IFT74: variants seen among roughly 807,000 people sequenced by gnomAD.
The protein encoded by IFT74 is intraflagellar transport 74.
A neutral mutation model predicts 96.7 loss-of-function variants in IFT74; 92 were observed. That is an observed-to-expected ratio of 0.95 (90% CI 0.80 to 1.13). IFT74 has a LOEUF of 1.13. IFT74 is among the 50% of genes most tolerant of loss of function. IFT74 has a pLI of 0.00. For synonymous variants in IFT74, 223 were observed against 213.2 expected (o/e 1.05, Z -0.40); for missense variants, 811 against 698.2 (o/e 1.16, Z -1.82).
intron 1 of IFT74, among the ~76,000 whole-genome samples, chr9:26,949,539 T>C (rs1159225766): frequency 6.6e-6 from 1 of 152,184 alleles, no homozygotes; most frequent in Non-Finnish European, 1.5e-5. Flanking sequence ...CTGTGTTCTT[T>C]TACACAGGGA....
chr9:27,055,155 A>G (rs1407799857), intron 16 of IFT74, among the ~76,000 whole-genome samples: 3 of 152,218 alleles, frequency 2.0e-5, no homozygotes, highest in Admixed American at 1.3e-4. Context: ...ATTGTTCACA[A>G]TAACTTCATA....
Position 26,961,749 on chromosome 9 carries a change from G to T in IFT74, c.-19-200G>T, listed in dbSNP as rs112668283. ...TTTGGTAAGATAATAGAAAGATGAGGAAGGAATGTTGCAAGAAACAATCTC... is the reference window on the plus strand; with the variant it reads ...TTTGGTAAGATAATAGAAAGATGAGTAAGGAATGTTGCAAGAAACAATCTC... On this transcript the variant is annotated intron_variant, in intron 1 of 19. Transcript: ENST00000380062. 5.0e-3 allele frequency among the ~76,000 whole-genome samples: 757 copies of T among 152,148 alleles called. 9 individuals carry two copies. Among genetic ancestry groups the T allele is most frequent in the African/African-American group, 0.017 (723 of 41,512 alleles).
chr9:26,986,979 G>A lies in IFT74; in HGVS notation c.466-1690G>A, dbSNP rs117141004. ...CAATTCATCACAAACATTTTGTAGA[G>A]CCCATTATTCACTGGGATTTTCTTT... On this transcript the variant is annotated intron_variant, in intron 6 of 19. Transcript: ENST00000380062. 5.5e-4 allele frequency among the ~76,000 whole-genome samples: 83 copies of A among 152,278 alleles called. No homozygotes were observed. In the East Asian group the frequency reaches 0.015, roughly 27 times the overall value.
intron 9 of IFT74, 79 bp from the exon 10 acceptor site, chr9:27,011,827 T>C (rs545651417): frequency 2.8e-5 from 23 of 816,446 alleles, no homozygotes; most frequent in South Asian, 8.1e-5. Flanking sequence ...AAATTTTTTT[T>C]CCCAGCTCCC....
intron 8 of IFT74, among the ~76,000 whole-genome samples, chr9:26,998,746 G>T (rs992766881): frequency 2.0e-5 from 3 of 152,222 alleles, no homozygotes; most frequent in African/African-American, 7.2e-5. Flanking sequence ...CACTTTGGGA[G>T]GCTGAGGCAG....
rs895055635 is a variant in IFT74 at position 27,063,729 on chromosome 9, T to C, written c.*993T>C. On this transcript the variant is annotated 3_prime_UTR_variant, in exon 20 of 20. Coordinates refer to ENST00000380062, the MANE Select transcript of IFT74 (RefSeq NM_025103.4). ...AAACCAAAATAGCTTTATTGAGATA[T>C]TATTTACATACTTTAAAATTTACTC... Among the ~76,000 whole-genome samples, 1 of 152,130 alleles carries C rather than the reference T, an allele frequency of 6.6e-6. No homozygotes were observed. Among genetic ancestry groups the C allele is most frequent in the African/African-American group, 2.4e-5 (1 of 41,462 alleles).
rs60150925 is a variant in IFT74 at position 27,030,547 on chromosome 9, CAAAAAAAAA to C, written c.1054+1453_1054+1461del. Among the ~76,000 whole-genome samples the C allele has an allele frequency of 5.2e-5, 6 of 115,476 alleles. No individual in the cohort carries two copies. In the South Asian group the frequency reaches 1.9e-3, roughly 36 times the overall value. The allele number at this position is 115,476 out of a possible 152,430, so 75.8% of individuals were successfully genotyped here. A position where few individuals can be genotyped will look rare whatever the true frequency, so the allele number is the denominator to read the frequency against. ...TGGGTGACAGAGCAAGACTCCGTCT[CAAAAAAAAA>C]AAAAAAAAAGGGTACACTGTTCTAT... On this transcript the variant is annotated intron_variant, in intron 13 of 19. Transcript: ENST00000380062.
Position 27,055,637 on chromosome 9 carries a change from G to A in IFT74, c.1362G>A (p.Gln454=). ...TTCAACGTCTGCAGTTGGATCTGCA[G>A]AAAATGGAGCTTCTAGAAAGTAAGA... The part of the protein sequence containing the change: ...SDIQRLQLDL[Q]KMELLESKMT... Residue 454 remains glutamine, a synonymous_variant, in exon 17 of 20, where the codon CAG becomes CAA. Transcript: ENST00000380062. 6.3e-7 allele frequency: 1 copy of A among 1,582,616 alleles called. No homozygotes were observed. The highest frequency in any genetic ancestry group is 8.6e-7 in the Non-Finnish European group (1 of 1,169,478).
At position 27,056,322 on chromosome 9, in the gene IFT74, G is replaced by T; in HGVS notation, c.1498-12G>T. 2 of 1,538,952 alleles carry T rather than the reference G, an allele frequency of 1.3e-6. No individual in the cohort carries two copies. The highest frequency in any genetic ancestry group is 1.2e-5 in the South Asian group (1 of 82,492). ...TTTCTATAACCTGTCACTTCTATTT[G>T]GATCTTTCTAGAAATTACATCAGGA... On this transcript the variant is annotated splice_polypyrimidine_tract_variant and intron_variant, in intron 17 of 19. Transcript: ENST00000380062.
At chr9:26,955,587 T>C (rs536665267), upstream of IFT74, among the ~76,000 whole-genome samples, 2 of 152,224 alleles carry the variant, frequency 1.3e-5, no homozygotes, top group East Asian at 3.9e-4. Context: ...TGAGCTCAAA[T>C]GAGATAATTA....
At chr9:27,015,977 A>T (rs988706437) in intron 10 of IFT74, among the ~76,000 whole-genome samples, 16 of 152,104 alleles carry the variant, frequency 1.1e-4, no homozygotes, top group African/African-American at 3.9e-4. Flanking sequence ...TTTTTGTCAC[A>T]TCCTTATTTT....
chr9:26,957,436 T>C (rs996864493), intron 1 of IFT74, among the ~76,000 whole-genome samples: 5 of 152,228 alleles, frequency 3.3e-5, no homozygotes, highest in Admixed American at 6.5e-5. Context: ...TTCATGAAAT[T>C]CCTTTTTCCA....
chr9:27,046,817 A>C (rs1051284147), intron 14 of IFT74, among the ~76,000 whole-genome samples: 1 of 152,206 alleles, frequency 6.6e-6, no homozygotes, highest in Admixed American at 6.5e-5. Flanking sequence ...AAAGTATATA[A>C]AGTTCTTATT....
intron 18 of IFT74, 74 bp from the exon 19 acceptor site, chr9:27,060,517 T>A: frequency 2.1e-6 from 2 of 943,248 alleles, no homozygotes; most frequent in Non-Finnish European, 3.2e-6. Flanking sequence ...ATTTTTTTTG[T>A]CTTATCCTCT....
intron 13 of IFT74, among the ~76,000 whole-genome samples, chr9:27,036,971 C>A (rs1185469241): frequency 1.3e-5 from 2 of 152,120 alleles, no homozygotes; most frequent in Non-Finnish European, 2.9e-5. Flanking sequence ...GTAATCCCAG[C>A]ACTTTGGGAG....
At chr9:27,027,811 T>C (rs1246882817) in intron 12 of IFT74, among the ~76,000 whole-genome samples, 1 of 152,202 alleles carries the variant, frequency 6.6e-6, no homozygotes, top group East Asian at 1.9e-4. Flanking sequence ...GTTTCCAATT[T>C]TGATTTTGTC....
intron 14 of IFT74, 57 bp from the exon 15 acceptor site, chr9:27,047,217 G>A: frequency 9.7e-7 from 1 of 1,030,032 alleles, no homozygotes; most frequent in Non-Finnish European, 1.5e-6. Context: ...GCAAATCAGA[G>A]TTTATATAGT....
At chr9:27,007,216 A>G (rs1405029966) in intron 8 of IFT74, among the ~76,000 whole-genome samples, 2 of 152,144 alleles carry the variant, frequency 1.3e-5, no homozygotes, top group African/African-American at 2.4e-5. Flanking sequence ...AAAGCATCAA[A>G]AAGACCTTAC....
At chr9:27,007,839 A>C (rs1320523744) in intron 8 of IFT74, among the ~76,000 whole-genome samples, 2 of 152,190 alleles carry the variant, frequency 1.3e-5, no homozygotes, top group Non-Finnish European at 2.9e-5. Context: ...TGGGAGTGAA[A>C]ATGTGTGTTC....
Sources: allele counts gnomAD v4.1 joint callset (sites outside exome capture counted in the v4.1 genomes callset), GRCh38; gene constraint gnomAD v4.1.1; transcripts MANE v1.5; gene names NCBI Gene and HGNC (gene_info 2026-07-23, HGNC 2026-07-21).